ANKS1B: variants seen among roughly 807,000 people sequenced by gnomAD.
ANKS1B encodes ankyrin repeat and sterile alpha motif domain-containing protein 1B.
Under a neutral mutation model 148.3 loss-of-function variants are expected in ANKS1B, and 36 were observed. The ratio of observed to expected loss-of-function variants is 0.24; its 90% CI spans 0.19 to 0.32. The LOEUF (loss-of-function observed/expected upper bound fraction) is 0.32. Ranked by LOEUF, ANKS1B falls within the 10% of genes least tolerant of loss-of-function variation. The probability of loss-of-function intolerance (pLI) is 1.00; values close to 1 mark genes in which losing one functional copy is unlikely to be tolerated. For missense variants in ANKS1B, 1,157 were observed against 1,542.6 expected, an observed-to-expected ratio of 0.75 and a Z score of 4.19; for synonymous variants, 542 against 560.8, an observed-to-expected ratio of 0.97 and a Z score of 0.47.
At chr12:98,912,210 G>A (rs2099787761) in intron 17 of ANKS1B, among the ~76,000 whole-genome samples, 1 of 152,150 alleles carries the variant, frequency 6.6e-6, no homozygotes, top group African/African-American at 2.4e-5. Flanking sequence ...CAGGGTCACT[G>A]GTAAATGGTA....
At chr12:99,503,135 C>G (rs1042780437) in intron 10 of ANKS1B, among the ~76,000 whole-genome samples, 2 of 152,252 alleles carry the variant, frequency 1.3e-5, no homozygotes, top group Admixed American at 1.3e-4. Context: ...TGGGGTTTCA[C>G]CAGGTTGCCC....
intron 4 of ANKS1B, among the ~76,000 whole-genome samples, chr12:99,795,035 A>C (rs2066081910): frequency 6.6e-6 from 1 of 151,908 alleles, no homozygotes; most frequent in Non-Finnish European, 1.5e-5. Context: ...GAAGGTAAAA[A>C]AGAAATAAGA....
Position 99,968,400 on chromosome 12 carries a change from C to A in ANKS1B, c.134+15704G>T, listed in dbSNP as rs1013533978. Among the ~76,000 whole-genome samples, 46 of 150,518 alleles carry A rather than the reference C, an allele frequency of 3.1e-4. 1 individual carries two copies. The highest frequency in any genetic ancestry group is 1.1e-3 in the African/African-American group (45 of 40,996). ...TGAAATCCCGTCTCTACTAAAAATA[C>A]AAAAAAAAATAGCCCGGTGTGGTGG... On this transcript the variant is annotated intron_variant, in intron 1 of 26. Coordinates refer to ENST00000683438, the MANE Select transcript of ANKS1B (RefSeq NM_001352186.2).
chr12:99,230,687 T>C (rs2086697767), intron 14 of ANKS1B, among the ~76,000 whole-genome samples: 1 of 152,162 alleles, frequency 6.6e-6, no homozygotes, highest in Non-Finnish European at 1.5e-5. Flanking sequence ...GCTAAATACA[T>C]TTTAGCGTCT....
chr12:99,391,224 C>T lies in ANKS1B; in HGVS notation c.1756+8407G>A, dbSNP rs113944006. On this transcript the variant is annotated intron_variant, in intron 12 of 26. Transcript: ENST00000683438. The stretch of plus-strand genomic sequence containing the variant: ...GGTTCACAGAGAAAATAAGAGCCAC[C>T]GGACAGTAAAATGCAAATCAGATCA... 8.6e-3 allele frequency among the ~76,000 whole-genome samples: 1,302 copies of T among 152,248 alleles called. 19 individuals are homozygous for T. Among genetic ancestry groups the T allele is most frequent in the African/African-American group, 0.03 (1,250 of 41,540 alleles).
intron 12 of ANKS1B, among the ~76,000 whole-genome samples, chr12:99,282,822 T>C (rs1602391422): frequency 6.6e-6 from 1 of 152,042 alleles, no homozygotes. Flanking sequence ...ATTTAAAGGG[T>C]GAAATGCCTA....
chr12:98,741,935 T>C (rs2097801749), downstream of ANKS1B, among the ~76,000 whole-genome samples: 3 of 152,214 alleles, frequency 2.0e-5, no homozygotes, highest in African/African-American at 7.2e-5. Context: ...GGATGCTTGA[T>C]TGAGGCCCTG....
intron 10 of ANKS1B, among the ~76,000 whole-genome samples, chr12:99,494,549 C>T (rs540557491): frequency 3.3e-5 from 5 of 151,590 alleles, no homozygotes; most frequent in East Asian, 3.9e-4. Context: ...CTGGCTAACA[C>T]GGAGAAACCC....
intron 12 of ANKS1B, among the ~76,000 whole-genome samples, chr12:99,287,858 G>A (rs2154005855): frequency 6.6e-6 from 1 of 152,122 alleles, no homozygotes; most frequent in African/African-American, 2.4e-5. Context: ...AAAACACAGA[G>A]TCATAGAAGA....
chr12:99,225,308 T>TATC (rs2085732962), intron 14 of ANKS1B, among the ~76,000 whole-genome samples: 1 of 152,060 alleles, frequency 6.6e-6, no homozygotes, highest in South Asian at 2.1e-4. Context: ...TAATATTATA[T>TATC]AATATTATAA....
intron 3 of ANKS1B, among the ~76,000 whole-genome samples, chr12:99,807,417 A>G (rs377730357): frequency 3.3e-5 from 5 of 152,276 alleles, no homozygotes; most frequent in South Asian, 2.1e-4. Flanking sequence ...GATACAGAAA[A>G]CTGAACCCAG....
chr12:99,469,074 A>G (rs1464986772), intron 10 of ANKS1B, among the ~76,000 whole-genome samples: 5 of 152,264 alleles, frequency 3.3e-5, no homozygotes, highest in East Asian at 3.9e-4. Flanking sequence ...GATTAAGAAA[A>G]TGTGGCACAT....
chr12:99,348,170 G>A (rs760499945), intron 12 of ANKS1B, among the ~76,000 whole-genome samples: 3 of 151,828 alleles, frequency 2.0e-5, no homozygotes, highest in Non-Finnish European at 2.9e-5. Context: ...AATAAATGAA[G>A]ATAAATGAAC....
At chr12:99,524,383 G>A (rs373839037) in intron 9 of ANKS1B, among the ~76,000 whole-genome samples, 7 of 152,188 alleles carry the variant, frequency 4.6e-5, no homozygotes, top group South Asian at 2.1e-4. Context: ...AATACATTAC[G>A]TAACACATAG....
At chr12:98,858,468 G>A (rs2099582974) in intron 17 of ANKS1B, among the ~76,000 whole-genome samples, 1 of 152,174 alleles carries the variant, frequency 6.6e-6, no homozygotes, top group African/African-American at 2.4e-5. Context: ...TCTGCCTCCC[G>A]AGTAGCTAGG....
intron 17 of ANKS1B, among the ~76,000 whole-genome samples, chr12:98,922,072 G>A (rs11109672): frequency 0.034 from 5,197 of 152,240 alleles, 126 homozygotes; most frequent in Non-Finnish European, 0.05. Flanking sequence ...CACATTCAGA[G>A]TTACTCTGCA....
chr12:99,897,852 TAA>T (rs3054223), intron 1 of ANKS1B, among the ~76,000 whole-genome samples: 20,908 of 117,894 alleles, frequency 0.18, 2,568 homozygotes, highest in African/African-American at 0.34. Flanking sequence ...AATTAAAAGT[TAA>T]AAAAAAAAAA....
rs1279084489 is a variant in ANKS1B, at chr12:99,246,588, C to G, written c.2033G>C (p.Ser678Thr). The change falls in exon 13 of 27, where the codon AGC becomes ACC. Residue 678 changes from serine to threonine, a missense_variant. By Grantham distance (58) the Ser-to-Thr change is moderately conservative. This residue lies in a region of ANKS1B where 661 missense variants were observed against 642.1 expected (regional missense o/e 1.03). Coordinates refer to ENST00000683438, the MANE Select transcript of ANKS1B (RefSeq NM_001352186.2). ...VVSRTIFHKK[S>T]NQLENHTIVG... Reference sequence around the variant, plus strand: ...AATGGTATGGTTTTCGAGTTGGTTGCTTTTTTTGTGAAAAATTGTTCTACT... The same window carrying G: ...AATGGTATGGTTTTCGAGTTGGTTGGTTTTTTTGTGAAAAATTGTTCTACT... 2 of 1,613,348 alleles carry G rather than the reference C, an allele frequency of 1.2e-6. No homozygotes were observed. Among genetic ancestry groups the G allele is most frequent in the Non-Finnish European group, 8.5e-7 (1 of 1,179,676 alleles).
At chr12:99,518,933 GTTTGT>G (rs2096848791) in intron 9 of ANKS1B, among the ~76,000 whole-genome samples, 1 of 151,792 alleles carries the variant, frequency 6.6e-6, no homozygotes, top group Non-Finnish European at 1.5e-5. Flanking sequence ...TTCCATTATG[GTTTGT>G]TTTGAGAAAT....
Sources: gnomAD v4.1 joint callset for allele counts (sites outside exome capture counted in the v4.1 genomes callset) on GRCh38, gnomAD v4.1.1 for gene constraint, gnomAD v4.1.1 regional missense constraint, MANE v1.5 for transcripts, NCBI Gene and HGNC (gene_info 2026-07-23, HGNC 2026-07-21) for gene names.